The following ADAM32 variants were observed in gnomAD, a reference collection of about 807,000 sequenced individuals.
ADAM32 encodes disintegrin and metalloproteinase domain-containing protein 32.
A neutral mutation model predicts 114.9 loss-of-function variants in ADAM32; 89 were observed. The ratio of observed to expected loss-of-function variants is 0.77; its 90% CI spans 0.65 to 0.92. ADAM32 has a LOEUF of 0.92. ADAM32 is among the 40% of genes least tolerant of loss of function. The probability of loss-of-function intolerance (pLI) is 0.00; values close to 1 mark genes in which losing one functional copy is unlikely to be tolerated. For synonymous variants in ADAM32, 285 were observed against 307.5 expected (o/e 0.93, Z 0.77); for missense variants, 870 against 932.8 (o/e 0.93, Z 0.88).
At chr8:39,109,371 C>T (rs1303180621) in intron 1 of ADAM32, among the ~76,000 whole-genome samples, 2 of 151,922 alleles carry the variant, frequency 1.3e-5, no homozygotes, top group Admixed American at 6.6e-5. Context: ...CATGGTGAAA[C>T]CCCATTGCTA....
chr8:39,282,361 C>G (rs1813473968), intron 23 of ADAM32, among the ~76,000 whole-genome samples: 1 of 152,172 alleles, frequency 6.6e-6, no homozygotes, highest in Non-Finnish European at 1.5e-5. Flanking sequence ...AGTGGTGTAA[C>G]TACTCTAATT....
At chr8:39,117,616 A>G (rs920552450) in intron 1 of ADAM32, among the ~76,000 whole-genome samples, 1 of 152,034 alleles carries the variant, frequency 6.6e-6, no homozygotes, top group Non-Finnish European at 1.5e-5. Context: ...TTCTCAAGCC[A>G]GCCTGCTTAT....
intron 14 of ADAM32, 103 bp downstream of exon 14, chr8:39,223,341 A>AC: frequency 1.5e-6 from 1 of 663,938 alleles, no homozygotes; most frequent in Non-Finnish European, 2.2e-6. Context: ...AATGTTTTAT[A>AC]TAGTATAAAA....
intron 21 of ADAM32, among the ~76,000 whole-genome samples, 171 bp downstream of exon 21, chr8:39,274,521 C>A (rs1196073909): frequency 6.6e-6 from 1 of 152,136 alleles, no homozygotes; most frequent in Non-Finnish European, 1.5e-5. Context: ...TTAGTCATTT[C>A]TTTATTTAAT....
chr8:39,268,892 ACT>A (rs907620865), intron 19 of ADAM32, among the ~76,000 whole-genome samples: 5 of 152,182 alleles, frequency 3.3e-5, no homozygotes, highest in Non-Finnish European at 5.9e-5. Flanking sequence ...ATTCTGAGTA[ACT>A]CTATCCATCT....
intron 19 of ADAM32, among the ~76,000 whole-genome samples, chr8:39,268,097 TTC>T (rs1221723721): frequency 2.0e-5 from 3 of 152,256 alleles, no homozygotes; most frequent in Non-Finnish European, 4.4e-5. Context: ...TATGCTTTCC[TTC>T]TCTTGGTTAA....
chr8:39,252,498 A>C lies in ADAM32; in HGVS notation c.1903-1916A>C, dbSNP rs538627055. On this transcript the variant is annotated intron_variant, in intron 17 of 24. Transcript: ENST00000379907. The stretch of plus-strand genomic sequence containing the variant: ...TACATTAAAAAGAATAAAGATTTCA[A>C]ATAAACATTCTAACTTTACACCTCA... 1.2e-4 allele frequency among the ~76,000 whole-genome samples: 18 copies of C among 151,652 alleles called. No homozygotes were observed. The South Asian group carries it at 3.7e-3, about 31-fold the overall frequency.
At chr8:39,191,571 A>G (rs943491615) in intron 11 of ADAM32, among the ~76,000 whole-genome samples, 3 of 151,396 alleles carry the variant, frequency 2.0e-5, no homozygotes, top group Non-Finnish European at 3.0e-5. Context: ...GTGCCTATTC[A>G]TGTCCTTTGC....
At position 39,202,822 on chromosome 8, in the gene ADAM32, G is replaced by T. The variant is rs866869636; in HGVS notation, c.1053-8322G>T. Among the ~76,000 whole-genome samples the T allele has an allele frequency of 3.4e-3, 511 of 152,196 alleles. 1 individual carries two copies. The highest frequency in any genetic ancestry group is 6.8e-3 in the Middle Eastern group (2 of 294). ...CTTTGAATGTGTCCCAGAGATTCTG[G>T]TATGTTGTGTCTTTGTTTTTGTTGG... On this transcript the variant is annotated intron_variant, in intron 11 of 24. Coordinates refer to ENST00000379907, the MANE Select transcript of ADAM32 (RefSeq NM_145004.7).
At chr8:39,150,563 T>C (rs1803761054) in intron 5 of ADAM32, among the ~76,000 whole-genome samples, 1 of 152,188 alleles carries the variant, frequency 6.6e-6, no homozygotes, top group Non-Finnish European at 1.5e-5. Flanking sequence ...CTTCAAGAAT[T>C]ACTGGGTTTC....
intron 11 of ADAM32, among the ~76,000 whole-genome samples, chr8:39,188,604 A>G (rs1464904681): frequency 6.6e-6 from 1 of 152,122 alleles, no homozygotes; most frequent in Non-Finnish European, 1.5e-5. Context: ...ATATTAACTT[A>G]CTTGATTCTC....
chr8:39,268,615 A>AT (rs1812512910), intron 19 of ADAM32, among the ~76,000 whole-genome samples: 1 of 152,134 alleles, frequency 6.6e-6, no homozygotes, highest in South Asian at 2.1e-4. Context: ...CAGTGTATCA[A>AT]TTTCTTTTTT....
intron 11 of ADAM32, among the ~76,000 whole-genome samples, chr8:39,210,660 G>C (rs932913601): frequency 6.6e-6 from 1 of 152,100 alleles, no homozygotes; most frequent in Non-Finnish European, 1.5e-5. Context: ...AGTAAAAATG[G>C]ACTTCCTATG....
intron 7 of ADAM32, among the ~76,000 whole-genome samples, chr8:39,162,459 T>C (rs1056750955): frequency 2.0e-5 from 3 of 152,096 alleles, no homozygotes; most frequent in Non-Finnish European, 2.9e-5. Flanking sequence ...TGAATAGTGC[T>C]GCAATAAACA....
chr8:39,170,076 T>C (rs1182096285), intron 10 of ADAM32, 79 bp downstream of exon 10: 1 of 1,081,836 alleles, frequency 9.2e-7, no homozygotes, highest in African/African-American at 1.6e-5. Flanking sequence ...TTTTGTACAA[T>C]TTATGTGCAT....
In ADAM32 at chr8:39,136,509, T is replaced by C. The variant is rs906404869; in HGVS notation, c.139-148T>C. The C allele has an allele frequency of 5.8e-6, 3 of 516,476 alleles. No individual in the cohort carries two copies. In the African/African-American group the frequency reaches 6.1e-5, roughly 10 times the overall value. The allele number at this position is 516,476 out of a possible 1,614,324, so 32.0% of individuals were successfully genotyped here. ...TAAGTAAATATTAAATTTTTTGATG[T>C]GTTGTTGCACATTTTAAATCACATG... is the stretch of plus-strand genomic sequence containing the variant. On this transcript the variant is annotated intron_variant, in intron 2 of 24. Transcript: ENST00000379907.
chr8:39,246,348 G>A (rs751870222), intron 17 of ADAM32, among the ~76,000 whole-genome samples, 182 bp downstream of exon 17: 2 of 152,110 alleles, frequency 1.3e-5, no homozygotes, highest in Non-Finnish European at 2.9e-5. Context: ...GATATATTGA[G>A]CAGAATTAAA....
chr8:39,239,899 A>G (rs1447478333), intron 16 of ADAM32, among the ~76,000 whole-genome samples: 1 of 152,218 alleles, frequency 6.6e-6, no homozygotes, highest in African/African-American at 2.4e-5. Flanking sequence ...ATACATATAC[A>G]CCTAACACTA....
At chr8:39,136,884 C>T (rs1195092679) in intron 3 of ADAM32, among the ~76,000 whole-genome samples, 166 bp downstream of exon 3, 1 of 152,156 alleles carries the variant, frequency 6.6e-6, no homozygotes, top group African/African-American at 2.4e-5. Context: ...GTTTTAATGT[C>T]TCAAGTATTC....
Sources: gnomAD v4.1 joint callset for allele counts (sites outside exome capture counted in the v4.1 genomes callset) on GRCh38, gnomAD v4.1.1 for gene constraint, MANE v1.5 for transcripts, NCBI Gene and HGNC (gene_info 2026-07-23, HGNC 2026-07-21) for gene names.